The following CD6 variants were observed in gnomAD, a reference collection of about 807,000 sequenced individuals.
CD6 encodes the protein T-cell differentiation antigen CD6.
CD6 carries 53 observed loss-of-function variants against 75.3 expected under a neutral mutation model. The observed-to-expected ratio is 0.70, with a 90% CI of 0.56 to 0.88. The LOEUF is 0.88. CD6 is among the 40% of genes least tolerant of loss of function. The pLI, the probability that CD6 is intolerant of heterozygous loss-of-function variation, is 0.00. For synonymous variants in CD6, 359 were observed against 381.5 expected (o/e 0.94, Z 0.69); for missense variants, 770 against 897.1 (o/e 0.86, Z 1.81).
At chr11:60,992,061 G>GTA (rs1480138288) in intron 1 of CD6, among the ~76,000 whole-genome samples, 2 of 152,152 alleles carry the variant, frequency 1.3e-5, no homozygotes, top group Non-Finnish European at 2.9e-5. Context: ...TTGAATTTTG[G>GTA]TAGAGACAAG....
chr11:61,004,269 C>G (rs1858739195), intron 1 of CD6: 1 of 152,294 alleles, frequency 6.6e-6, no homozygotes, highest in African/African-American at 2.4e-5. Context: ...ACACTGCAGC[C>G]ATCATTCAAT....
At chr11:60,985,822 G>C (rs1328311840) in intron 1 of CD6, among the ~76,000 whole-genome samples, 2 of 152,192 alleles carry the variant, frequency 1.3e-5, no homozygotes, top group Non-Finnish European at 2.9e-5. Context: ...AAAAGTGTTA[G>C]GTGTTAAAGA....
intron 1 of CD6, among the ~76,000 whole-genome samples, chr11:60,996,300 CACA>C (rs1858290459): frequency 6.6e-6 from 1 of 152,172 alleles, no homozygotes; most frequent in Admixed American, 6.5e-5. Context: ...TGGGAAGCAT[CACA>C]ACATCCTTCC....
intron 1 of CD6, among the ~76,000 whole-genome samples, chr11:61,005,025 G>T (rs1858783013): frequency 6.6e-6 from 1 of 152,170 alleles, no homozygotes; most frequent in Non-Finnish European, 1.5e-5. Flanking sequence ...CTCCCTTTGT[G>T]CTTTGCAAGC....
At chr11:61,012,960 G>A (rs1859216122) in intron 6 of CD6, among the ~76,000 whole-genome samples, 1 of 152,326 alleles carries the variant, frequency 6.6e-6, no homozygotes, top group South Asian at 2.1e-4. Context: ...CATGCCCCCA[G>A]TGTCGCTGTT....
chr11:61,012,054 C>T (rs569125550), intron 6 of CD6, among the ~76,000 whole-genome samples: 146 of 152,310 alleles, frequency 9.6e-4, no homozygotes, highest in African/African-American at 3.4e-3. Context: ...ACAGGACTCC[C>T]TTGCTCTGCC....
rs145665011 is a variant in CD6, at chr11:61,015,744, G to A, written c.1419G>A (p.Pro473=). ...TGCTGCCCATCCAGGTCCAGGCCCC[G>A]CCCCCTGAGGACTCAGACTCTGGCT... The part of the protein sequence containing the change: ...VFMLPIQVQA[P]PPEDSDSGSD... Residue 473 remains proline (P), a synonymous_variant, in exon 9 of 13, where the codon CCG becomes CCA. Coordinates refer to ENST00000313421, the MANE Select transcript of CD6 (RefSeq NM_006725.5). 5.2e-5 allele frequency: 84 copies of A among 1,613,980 alleles called. No individual in the cohort carries two copies. The highest frequency in any genetic ancestry group is 3.7e-4 in the African/African-American group (28 of 74,966).
intron 1 of CD6, among the ~76,000 whole-genome samples, chr11:60,980,443 A>C (rs1266307475): frequency 1.3e-5 from 2 of 152,168 alleles, no homozygotes; most frequent in Admixed American, 1.3e-4. Flanking sequence ...TTGAGGCTGC[A>C]GTGAGCCATG....
chr11:60,980,603 C>T (rs1011123211), intron 1 of CD6, among the ~76,000 whole-genome samples: 3 of 152,134 alleles, frequency 2.0e-5, no homozygotes, highest in Non-Finnish European at 4.4e-5. Flanking sequence ...TCAAGTAGGG[C>T]GGATCACTTG....
At chr11:61,017,149 G>A (rs937811992) in intron 9 of CD6, 8 of 314,092 alleles carry the variant, frequency 2.5e-5, no homozygotes, top group Non-Finnish European at 4.3e-5. Flanking sequence ...GCAAACATCT[G>A]TCCTTCTCCT....
intron 3 of CD6, 123 bp from the exon 4 acceptor site, chr11:61,008,411 C>A (rs763518764): frequency 7.2e-5 from 67 of 931,296 alleles, no homozygotes; most frequent in Non-Finnish European, 9.6e-5. Context: ...TCTTGCCTAC[C>A]GGGCTACAGC....
At chr11:61,004,616 T>C (rs1858762441) in intron 1 of CD6, 1 of 152,400 alleles carries the variant, frequency 6.6e-6, no homozygotes, top group Admixed American at 6.6e-5. Context: ...AGGGGGTATG[T>C]CCGTGGAATC....
At position 61,007,993 on chromosome 11, in the gene CD6, C is replaced by A; in HGVS notation, c.469+83C>A. The A allele has an allele frequency of 2.1e-6, 2 of 933,722 alleles. No homozygotes were observed. The highest frequency in any genetic ancestry group is 2.9e-6 in the Non-Finnish European group (2 of 698,460). 57.8% of individuals were successfully genotyped at this position (933,722 alleles called of 1,614,324 possible). On this transcript the variant is annotated intron_variant, in intron 3 of 12. Coordinates refer to ENST00000313421, the MANE Select transcript of CD6 (RefSeq NM_006725.5). The surrounding 1 kb of genome is among the most constrained non-coding windows in gnomAD (Gnocchi z 4.2). ...ACTGCCCCTGGCTCCAGACCCTGGA[C>A]GCAAGCCTCGCCCTCCAGACCTCCA...
chr11:60,985,185 T>A (rs949113809), intron 1 of CD6: 1 of 136,718 alleles, frequency 7.3e-6, no homozygotes, highest in African/African-American at 2.7e-5. Flanking sequence ...TTTTTTTTTT[T>A]TTTTTTTTTT....
Position 61,019,028 on chromosome 11 carries a change from G to A in CD6, c.1943-226G>A, listed in dbSNP as rs779662996. On this transcript the variant is annotated intron_variant, in intron 12 of 12. Transcript: ENST00000313421. The stretch of plus-strand genomic sequence containing the variant: ...CCAACATTCAATCGTCCACCGTGTC[G>A]TGCAGTGTGCCATTGTGGAGACCAT... 16 of 464,204 alleles carry A rather than the reference G, an allele frequency of 3.4e-5. 1 individual carries two copies. The South Asian group carries it at 4.4e-4, about 13-fold the overall frequency. The allele number at this position is 464,204 out of a possible 1,614,324, so 28.8% of individuals were successfully genotyped here. A position where few individuals can be genotyped will look rare whatever the true frequency, so the allele number is the denominator to read the frequency against.
At chr11:61,015,897 G>C in intron 9 of CD6, 62 bp downstream of exon 9, 13 of 1,597,830 alleles carry the variant, frequency 8.1e-6, no homozygotes, top group Non-Finnish European at 1.1e-5. Context: ...GGCCCCGAGG[G>C]GACCGTCAGG....
At chr11:61,017,612 G>C in intron 10 of CD6, 62 bp downstream of exon 10, 1 of 1,566,026 alleles carries the variant, frequency 6.4e-7, no homozygotes, top group South Asian at 1.1e-5. Flanking sequence ...GCTCAGCTCA[G>C]CTTGAGACCT....
Position 61,013,961 on chromosome 11 carries a change from T to G in CD6, c.1334T>G (p.Ile445Ser), listed in dbSNP as rs769652140. The G allele has an allele frequency of 6.2e-7, 1 of 1,613,592 alleles. No individual in the cohort carries two copies. The highest frequency in any genetic ancestry group is 1.3e-5 in the African/African-American group (1 of 74,900). ...AACCACCAGCACCTACCCACCACCA[T>G]CCCGGCAGGGAGCAATAGCTATCAA... The part of the protein sequence containing the change: ...MVNHQHLPTT[I>S]PAGSNSYQPV... The change falls in exon 8 of 13, where the codon ATC becomes AGC. Residue 445 changes from isoleucine (I) to serine (S), a missense_variant. Transcript: ENST00000313421.
chr11:61,007,683 C>T lies in CD6; in HGVS notation c.242C>T (p.Ala81Val). The part of the protein sequence containing the change: ...GALWDSRAAE[A>V]VCRALGCGGA... ...CTCTGGGACAGCCGCGCCGCCGAGG[C>T]CGTGTGCCGAGCACTGGGCTGCGGC... Residue 81 changes from alanine (A) to valine (V), a missense_variant, in exon 3 of 13, where the codon GCC (alanine) becomes GTC (valine). Physicochemically the swap from Ala to Val is moderately conservative, Grantham distance 64. Coordinates refer to ENST00000313421, the MANE Select transcript of CD6 (RefSeq NM_006725.5). The surrounding 1 kb of genome is among the most constrained non-coding windows in gnomAD (Gnocchi z 4.2). 2.1e-6 allele frequency: 3 copies of T among 1,418,516 alleles called. 1 individual carries two copies. The highest frequency in any genetic ancestry group is 2.8e-6 in the Non-Finnish European group (3 of 1,086,460). 87.9% of individuals were successfully genotyped at this position (1,418,516 alleles called of 1,614,324 possible). A position where few individuals can be genotyped will look rare whatever the true frequency, so the allele number is the denominator to read the frequency against.
Sources: allele counts gnomAD v4.1 joint callset (sites outside exome capture counted in the v4.1 genomes callset), GRCh38; gene constraint gnomAD v4.1.1; non-coding constraint Gnocchi (gnomAD v3.1); transcripts MANE v1.5; gene names NCBI Gene and HGNC (gene_info 2026-07-23, HGNC 2026-07-21).